Variants in CNST observed in about 807,000 individuals in gnomAD.
CNST encodes the protein consortin, connexin sorting protein.
Under a neutral mutation model 72.4 loss-of-function variants are expected in CNST, and 39 were observed. The observed-to-expected ratio is 0.54, with a 90% CI of 0.42 to 0.70. The LOEUF is 0.70. CNST is among the 30% of genes least tolerant of loss of function. CNST has a pLI of 0.00. For synonymous variants in CNST, 332 were observed against 320.1 expected (o/e 1.04, Z -0.40); for missense variants, 871 against 868.5 (o/e 1.00, Z -0.04).
chr1:246,581,725 G>T (rs1220847273), intron 1 of CNST, among the ~76,000 whole-genome samples: 1 of 152,234 alleles, frequency 6.6e-6, no homozygotes, highest in Non-Finnish European at 1.5e-5. Context: ...GTAAATAGCT[G>T]ATAAAGTGTT....
intron 10 of CNST, among the ~76,000 whole-genome samples, chr1:246,663,930 A>G (rs2103175917): frequency 6.6e-6 from 1 of 152,276 alleles, no homozygotes; most frequent in East Asian, 1.9e-4. Context: ...CTTAGACTCT[A>G]AGATGCTTTT....
At chr1:246,652,817 A>C (rs1666539753) in intron 9 of CNST, among the ~76,000 whole-genome samples, 1 of 150,596 alleles carries the variant, frequency 6.6e-6, no homozygotes, top group Non-Finnish European at 1.5e-5. Context: ...ATCCTGGCTA[A>C]CACGGTGAAA....
At chr1:246,618,257 G>A (rs938438790) in intron 2 of CNST, among the ~76,000 whole-genome samples, 3 of 152,136 alleles carry the variant, frequency 2.0e-5, no homozygotes, top group African/African-American at 7.2e-5. Context: ...CTTCGTTTTA[G>A]GTAAGGAAAC....
intron 9 of CNST, among the ~76,000 whole-genome samples, chr1:246,655,914 A>C (rs1195529512): frequency 6.6e-6 from 1 of 152,244 alleles, no homozygotes; most frequent in African/African-American, 2.4e-5. Flanking sequence ...GTACACATTT[A>C]CTAAATTATA....
intron 6 of CNST, among the ~76,000 whole-genome samples, chr1:246,639,527 G>T (rs1337087159): frequency 6.6e-6 from 1 of 152,096 alleles, no homozygotes; most frequent in Admixed American, 6.5e-5. Flanking sequence ...GTGCTTACTT[G>T]TGCTTTCTTA....
Position 246,578,541 on chromosome 1 carries a change from C to G in CNST, c.-52+11878C>G, listed in dbSNP as rs925350306. 1.8e-3 allele frequency among the ~76,000 whole-genome samples: 265 copies of G among 150,966 alleles called. 5 individuals are homozygous for G. The highest frequency in any genetic ancestry group is 5.2e-3 in the African/African-American group (210 of 40,412). ...AAAAAATTAGCTGGGTGTGGTGGCACGTGCCTGTAGTCCCAGCTACTCGGG... is the reference window on the plus strand; with the variant it reads ...AAAAAATTAGCTGGGTGTGGTGGCAGGTGCCTGTAGTCCCAGCTACTCGGG... On this transcript the variant is annotated intron_variant, in intron 1 of 10. Transcript: ENST00000366513.
chr1:246,626,918 T>C (rs1284504203), intron 3 of CNST, among the ~76,000 whole-genome samples: 1 of 152,216 alleles, frequency 6.6e-6, no homozygotes, highest in Admixed American at 6.5e-5. Flanking sequence ...TTCGTCCCTC[T>C]AGTTGCTGAG....
chr1:246,650,676 C>CTTT (rs10693662), intron 9 of CNST, among the ~76,000 whole-genome samples: 1,818 of 127,624 alleles, frequency 0.014, 97 homozygotes, highest in African/African-American at 0.047. Flanking sequence ...TTAATTCAAA[C>CTTT]TTTTTTTTTT....
In CNST at chr1:246,647,882, G is replaced by A. The variant is rs780763414; in HGVS notation, c.1681G>A (p.Asp561Asn). The change falls in exon 9 of 11, where the codon GAT becomes AAT. Residue 561 changes from aspartate (D) to asparagine (N), a missense_variant. By Grantham distance (23) the Asp-to-Asn change is conservative (BLOSUM62 1). Transcript: ENST00000366513. The part of the protein sequence containing the change: ...LLEGCLKDTE[D>N]SLSYEDNQDD... Reference sequence around the variant, plus strand: ...AGAAGGATGTTTAAAAGATACTGAAGATTCCCTTTCCTATGAAGATAACCA... The same window carrying A: ...AGAAGGATGTTTAAAAGATACTGAAAATTCCCTTTCCTATGAAGATAACCA... 6.2e-7 allele frequency: 1 copy of A among 1,614,078 alleles called. No homozygotes were observed. Among genetic ancestry groups the A allele is most frequent in the East Asian group, 2.2e-5 (1 of 44,890 alleles).
intron 2 of CNST, among the ~76,000 whole-genome samples, chr1:246,592,746 A>G (rs1661626077): frequency 6.6e-6 from 1 of 152,228 alleles, no homozygotes; most frequent in African/African-American, 2.4e-5. Context: ...ATATTAATGT[A>G]CAATTTAATA....
At chr1:246,661,261 C>T (rs1048651770) in intron 10 of CNST, among the ~76,000 whole-genome samples, 1 of 152,110 alleles carries the variant, frequency 6.6e-6, no homozygotes, top group Non-Finnish European at 1.5e-5. Context: ...CAGGTGTGAG[C>T]CACCGCACCA....
At chr1:246,654,738 T>C (rs1666679695) in intron 9 of CNST, among the ~76,000 whole-genome samples, 2 of 152,378 alleles carry the variant, frequency 1.3e-5, no homozygotes, top group Non-Finnish European at 2.9e-5. Flanking sequence ...ATGATAGATT[T>C]GGTTTTGATT....
rs375935982 is a variant in CNST at position 246,598,512 on chromosome 1, C to A, written c.379+6571C>A. Among the ~76,000 whole-genome samples, 571 of 152,232 alleles carry A rather than the reference C, an allele frequency of 3.8e-3. 3 individuals carry two copies. The highest frequency in any genetic ancestry group is 6.4e-3 in the Non-Finnish European group (432 of 68,026). On this transcript the variant is annotated intron_variant, in intron 2 of 10. Coordinates refer to ENST00000366513, the MANE Select transcript of CNST (RefSeq NM_152609.3). The stretch of plus-strand genomic sequence containing the variant: ...TTCCATACTAGTTTAATGTCAGATG[C>A]AACCTGCTTTTTGGGATGTTAACTG...
At chr1:246,592,067 C>T (rs985866950) in intron 2 of CNST, 126 bp downstream of exon 2, 7 of 720,070 alleles carry the variant, frequency 9.7e-6, no homozygotes, top group Non-Finnish European at 1.6e-5. Flanking sequence ...GCTAGTTCCG[C>T]CGCAGCACAA....
chr1:246,626,814 T>C (rs554207037), intron 3 of CNST, among the ~76,000 whole-genome samples: 7 of 152,272 alleles, frequency 4.6e-5, no homozygotes, highest in African/African-American at 1.7e-4. Context: ...AGATGTCTCA[T>C]GGGCATTTCA....
intron 1 of CNST, among the ~76,000 whole-genome samples, chr1:246,572,109 G>A (rs1330564884): frequency 6.6e-6 from 1 of 152,166 alleles, no homozygotes; most frequent in Non-Finnish European, 1.5e-5. Context: ...ACTCACGCCT[G>A]TAGTCCTAGC....
rs779003295 is a variant in CNST, at chr1:246,621,535, G to C, written c.486G>C (p.Gln162His). Residue 162 changes from glutamine to histidine, a missense_variant, in exon 3 of 11, where the codon CAG becomes CAC. By Grantham distance (24) the Gln-to-His change is conservative. Coordinates refer to ENST00000366513, the MANE Select transcript of CNST (RefSeq NM_152609.3). ...CTGCTGAAGTAAATGCTAATGAGCA[G>C]CCAGAGGCGCCAAAGCTTGTTCTGC... ...EEAAEVNANE[Q>H]PEAPKLVLQS... 1.5e-5 allele frequency: 25 copies of C among 1,614,076 alleles called. No individual in the cohort carries two copies. Among genetic ancestry groups the C allele is most frequent in the Admixed American group, 3.3e-5 (2 of 60,000 alleles).
At chr1:246,595,141 A>C (rs958870891) in intron 2 of CNST, among the ~76,000 whole-genome samples, 2 of 152,152 alleles carry the variant, frequency 1.3e-5, no homozygotes, top group African/African-American at 2.4e-5. Context: ...GTGAGTTAGC[A>C]GGGCACAGGT....
chr1:246,572,891 A>C (rs954043854), intron 1 of CNST, among the ~76,000 whole-genome samples: 1 of 152,134 alleles, frequency 6.6e-6, no homozygotes, highest in African/African-American at 2.4e-5. Flanking sequence ...CTCATGAAAC[A>C]ACAACTAACA....
Sources: allele counts gnomAD v4.1 joint callset (sites outside exome capture counted in the v4.1 genomes callset), GRCh38; gene constraint gnomAD v4.1.1; transcripts MANE v1.5; gene names NCBI Gene and HGNC (gene_info 2026-07-23, HGNC 2026-07-21).